ALG14: variants seen among roughly 807,000 people sequenced by gnomAD.
ALG14 encodes the protein UDP-N-acetylglucosamine transferase subunit ALG14.
A neutral mutation model predicts 22.8 loss-of-function variants in ALG14; 17 were observed. The observed-to-expected ratio is 0.75, with a 90% CI of 0.51 to 1.12. The LOEUF (loss-of-function observed/expected upper bound fraction) is 1.12, where lower values mean the gene tolerates loss of function less well. Among genes scored for constraint, ALG14 ranks in the 50% most tolerant of loss-of-function variants. ALG14 has a pLI of 0.00. For missense variants in ALG14, 288 were observed against 271.8 expected (o/e 1.06, Z -0.42); for synonymous variants, 89 against 103.7 (o/e 0.86, Z 0.86).
In ALG14 at chr1:94,981,408, G is replaced by C. The variant is rs1672489189; in HGVS notation, c.*1668C>G. The C allele has an allele frequency of 1.3e-5, 2 of 149,756 alleles. No individual in the cohort carries two copies. The highest frequency in any genetic ancestry group is 4.9e-5 in the African/African-American group (2 of 40,580). 9.3% of individuals were successfully genotyped at this position (149,756 alleles called of 1,614,324 possible). A position where few individuals can be genotyped will look rare whatever the true frequency, so the allele number is the denominator to read the frequency against. On this transcript the variant is annotated 3_prime_UTR_variant, in exon 4 of 4. Coordinates refer to ENST00000370205, the MANE Select transcript of ALG14 (RefSeq NM_144988.4). Reference sequence around the variant, plus strand: ...AACCTAGGAAGATGTCCGGCTGACAGATGCGCCTGTTACATGATTCAGAGA... The same window carrying C: ...AACCTAGGAAGATGTCCGGCTGACACATGCGCCTGTTACATGATTCAGAGA...
At chr1:95,001,882 AGGC>A (rs1673079902) in intron 3 of ALG14, among the ~76,000 whole-genome samples, 1 of 152,242 alleles carries the variant, frequency 6.6e-6, no homozygotes, top group South Asian at 2.1e-4. Context: ...GCCAAATACA[AGGC>A]ATAAATATAG....
chr1:95,019,363 C>T (rs1673591740), intron 3 of ALG14, among the ~76,000 whole-genome samples: 1 of 152,096 alleles, frequency 6.6e-6, no homozygotes, highest in Admixed American at 6.6e-5. Context: ...TGTATAATAC[C>T]AGTTCAAGCT....
chr1:95,023,341 C>G (rs1673719358), intron 3 of ALG14, among the ~76,000 whole-genome samples: 1 of 152,192 alleles, frequency 6.6e-6, no homozygotes, highest in Admixed American at 6.5e-5. Flanking sequence ...CCAGCCTGGT[C>G]TCGAACTCCT....
At chr1:95,027,036 A>C in intron 3 of ALG14, 93 bp downstream of exon 3, 1 of 1,473,874 alleles carries the variant, frequency 6.8e-7, no homozygotes, top group Admixed American at 2.0e-5. Context: ...CACACTAATA[A>C]ATGGTAGCTG....
At chr1:95,057,373 T>C (rs1674970725) in intron 2 of ALG14, among the ~76,000 whole-genome samples, 1 of 151,746 alleles carries the variant, frequency 6.6e-6, no homozygotes, top group Admixed American at 6.6e-5. Context: ...TACAGGCCTT[T>C]TTCCCCTTGT....
chr1:95,002,518 AAAG>A (rs1442903447), intron 3 of ALG14, among the ~76,000 whole-genome samples: 1 of 152,226 alleles, frequency 6.6e-6, no homozygotes, highest in Non-Finnish European at 1.5e-5. Context: ...GAGACAGATA[AAAG>A]AACAGGAGTA....
chr1:95,000,552 A>G (rs1030569305), intron 3 of ALG14, among the ~76,000 whole-genome samples: 4 of 150,800 alleles, frequency 2.7e-5, no homozygotes, highest in African/African-American at 7.3e-5. Flanking sequence ...AAAAAAAAAA[A>G]AAAAAAAGAA....
At position 94,975,930 on chromosome 1, in the gene ALG14, T is replaced by G. The variant is rs1672388522; in HGVS notation, c.*7146A>C. 1 of 140,950 alleles carries G rather than the reference T, an allele frequency of 7.1e-6. No individual in the cohort carries two copies. Among genetic ancestry groups the G allele is most frequent in the Admixed American group, 7.7e-5 (1 of 13,008 alleles). 8.7% of individuals were successfully genotyped at this position (140,950 alleles called of 1,614,324 possible). ...TACTCGGGAGGCTGAGGCAGGACAATGGCGTGAACCCAGGAGGCGGAGCTT... is the reference window on the plus strand; with the variant it reads ...TACTCGGGAGGCTGAGGCAGGACAAGGGCGTGAACCCAGGAGGCGGAGCTT... On this transcript the variant is annotated 3_prime_UTR_variant, in exon 4 of 4. Transcript: ENST00000370205.
chr1:94,989,552 G>A (rs976401789), intron 3 of ALG14, among the ~76,000 whole-genome samples: 2 of 152,192 alleles, frequency 1.3e-5, no homozygotes, highest in African/African-American at 4.8e-5. Flanking sequence ...AGAGGGGCAG[G>A]GCTGGAGGAG....
chr1:95,022,469 A>G (rs1344918526), intron 3 of ALG14: 2 of 615,604 alleles, frequency 3.2e-6, no homozygotes, highest in Non-Finnish European at 4.1e-6. Flanking sequence ...CAGACTTGCT[A>G]AATGCACGTA....
intron 3 of ALG14, among the ~76,000 whole-genome samples, chr1:94,990,933 C>T (rs1267402501): frequency 6.6e-6 from 1 of 152,210 alleles, no homozygotes; most frequent in Non-Finnish European, 1.5e-5. Flanking sequence ...ATCGATTATT[C>T]TGGTCTGGTC....
Position 95,027,122 on chromosome 1 carries a change from T to C in ALG14, c.420+7A>G, listed in dbSNP as rs1426923338. 4 of 1,613,850 alleles carry C rather than the reference T, an allele frequency of 2.5e-6. No homozygotes were observed. The highest frequency in any genetic ancestry group is 3.4e-6 in the Non-Finnish European group (4 of 1,179,914). On this transcript the variant is annotated splice_region_variant and intron_variant, in intron 3 of 3. Transcript: ENST00000370205. ...CTTTCTCTCTCCTTAGTGATGGTCT[T>C]ACTTACCAAATCTGGCTTCACCCTG...
chr1:95,009,090 G>A (rs1342843710), intron 3 of ALG14, among the ~76,000 whole-genome samples: 1 of 151,910 alleles, frequency 6.6e-6, no homozygotes, highest in African/African-American at 2.4e-5. Context: ...CTTTTGACTT[G>A]TGAATAATGC....
In ALG14 at chr1:94,977,883, T is replaced by C. The variant is rs952087016; in HGVS notation, c.*5193A>G. 2.6e-5 allele frequency: 4 copies of C among 152,112 alleles called. No homozygotes were observed. The highest frequency in any genetic ancestry group is 5.9e-5 in the Non-Finnish European group (4 of 68,040). 9.4% of individuals were successfully genotyped at this position (152,112 alleles called of 1,614,324 possible). A position where few individuals can be genotyped will look rare whatever the true frequency, so the allele number is the denominator to read the frequency against. On this transcript the variant is annotated 3_prime_UTR_variant, in exon 4 of 4. Transcript: ENST00000370205. ...CCAGGCTGATCTCAAACTCCTGGGC[T>C]CAGGTGATCCATCCACCTCGGCCTC...
Position 94,982,894 on chromosome 1 carries a change from T to G in ALG14, c.*182A>C, listed in dbSNP as rs1672532522. On this transcript the variant is annotated 3_prime_UTR_variant, in exon 4 of 4. Coordinates refer to ENST00000370205, the MANE Select transcript of ALG14 (RefSeq NM_144988.4). ...ATTTAGTAGTTACGTTTATCAATGTTTGTTTCATAAGAGAAGCCTCAGTTT... is the reference window on the plus strand; with the variant it reads ...ATTTAGTAGTTACGTTTATCAATGTGTGTTTCATAAGAGAAGCCTCAGTTT... 1.7e-6 allele frequency: 1 copy of G among 593,996 alleles called. No individual in the cohort carries two copies. Among genetic ancestry groups the G allele is most frequent in the Admixed American group, 3.2e-5 (1 of 31,080 alleles). The allele number at this position is 593,996 out of a possible 1,614,324, so 36.8% of individuals were successfully genotyped here.
At position 94,982,736 on chromosome 1, in the gene ALG14, A is replaced by C. The variant is rs144953323; in HGVS notation, c.*340T>G. The C allele has an allele frequency of 4.5e-3, 695 of 154,194 alleles. 4 individuals carry two copies. The highest frequency in any genetic ancestry group is 7.5e-3 in the Non-Finnish European group (547 of 72,546). 9.6% of individuals were successfully genotyped at this position (154,194 alleles called of 1,614,324 possible). The stretch of plus-strand genomic sequence containing the variant: ...AAAAAAAAAAAAGCTGTAGGACAGG[A>C]AATATTACTAATCATACAAACTCTA... On this transcript the variant is annotated 3_prime_UTR_variant, in exon 4 of 4. Coordinates refer to ENST00000370205, the MANE Select transcript of ALG14 (RefSeq NM_144988.4).
chr1:94,993,809 G>A (rs960832707), intron 3 of ALG14, among the ~76,000 whole-genome samples: 2 of 152,210 alleles, frequency 1.3e-5, no homozygotes, highest in Non-Finnish European at 2.9e-5. Context: ...CAGACATCCA[G>A]ACATCAGGCT....
chr1:95,059,397 CAAAAAAAAAAA>C (rs67569341), intron 2 of ALG14, among the ~76,000 whole-genome samples: 1 of 78,588 alleles, frequency 1.3e-5, no homozygotes, highest in African/African-American at 5.8e-5. Context: ...GACTCTGTCT[CAAAAAAAAAAA>C]AAAAAAAAAA....
intron 3 of ALG14, among the ~76,000 whole-genome samples, chr1:95,004,750 C>T (rs1193395362): frequency 6.6e-6 from 1 of 152,040 alleles, no homozygotes; most frequent in African/African-American, 2.4e-5. Context: ...ATCTACCTGC[C>T]TCCCAACGTG....
Sources: gnomAD v4.1 joint callset for allele counts (sites outside exome capture counted in the v4.1 genomes callset) on GRCh38, gnomAD v4.1.1 for gene constraint, MANE v1.5 for transcripts, NCBI Gene and HGNC (gene_info 2026-07-23, HGNC 2026-07-21) for gene names.